Variants in DOCK3 observed in about 807,000 individuals in gnomAD.
The protein encoded by DOCK3 is dedicator of cytokinesis 3.
In DOCK3, 60 loss-of-function variants were observed where a neutral mutation model predicts 265.6. The ratio of observed to expected loss-of-function variants is 0.23; its 90% CI spans 0.18 to 0.28. The LOEUF is 0.28. Among genes scored for constraint, DOCK3 ranks in the 10% least tolerant of loss-of-function variants. DOCK3 has a pLI of 1.00. For missense variants in DOCK3, 1,981 were observed against 2,594.3 expected (o/e 0.76, Z 5.14); for synonymous variants, 881 against 938.0 (o/e 0.94, Z 1.11).
Position 51,357,799 on chromosome 3 carries a change from T to C in DOCK3, c.4725T>C (p.Asp1575=). The change falls in exon 45 of 53, where the codon GAT becomes GAC. Residue 1575 remains aspartate, a synonymous_variant. Coordinates refer to ENST00000266037, the MANE Select transcript of DOCK3 (RefSeq NM_004947.5). The part of the protein sequence containing the change: ...DKDYINKHPG[D]AEKITQLKEL... ...ATTACATCAACAAGCACCCAGGAGA[T>C]GCTGAGAAGATCACCCAGCTCAAGG... 1 of 1,613,958 alleles carries C rather than the reference T, an allele frequency of 6.2e-7. No individual in the cohort carries two copies. The highest frequency in any genetic ancestry group is 8.5e-7 in the Non-Finnish European group (1 of 1,179,882).
rs763090403 is a variant in DOCK3 at position 51,312,571 on chromosome 3, A to G, written c.3189A>G (p.Leu1063=). The G allele has an allele frequency of 8.2e-6, 13 of 1,581,534 alleles. No individual in the cohort carries two copies. Among genetic ancestry groups the G allele is most frequent in the South Asian group, 1.2e-5 (1 of 85,372 alleles). The change falls in exon 30 of 53, where the codon CTA becomes CTG. Residue 1063 remains leucine (L), a synonymous_variant. Coordinates refer to ENST00000266037, the MANE Select transcript of DOCK3 (RefSeq NM_004947.5). ...CCTCAGCCAAAAGGAAGAAGATTCT[A>G]GATAAGTAAGATAAACGTCTTATAT... is the stretch of plus-strand genomic sequence containing the variant. ...IITSAKRKKI[L]DKYGDMRVMM...
intron 27 of DOCK3, among the ~76,000 whole-genome samples, chr3:51,305,515 C>T (rs762454842): frequency 6.6e-5 from 10 of 152,032 alleles, no homozygotes; most frequent in East Asian, 3.9e-4. Context: ...TTCCCAACTC[C>T]GTCTTTTAGT....
chr3:51,074,503 G>A (rs2081987123), intron 6 of DOCK3, among the ~76,000 whole-genome samples: 1 of 152,106 alleles, frequency 6.6e-6, no homozygotes, highest in Non-Finnish European at 1.5e-5. Context: ...AGTAATACTT[G>A]TTGGTTAAAC....
Position 50,675,189 on chromosome 3 carries a change from A to G in DOCK3, c.-75A>G. ...TCCCCGCCTCGACTCGCGGTGCGCCACAGCCGGGCCCGCGGCCGTCCCCGC... is the reference window on the plus strand; with the variant it reads ...TCCCCGCCTCGACTCGCGGTGCGCCGCAGCCGGGCCCGCGGCCGTCCCCGC... On this transcript the variant is annotated 5_prime_UTR_variant, in exon 1 of 53. Transcript: ENST00000266037. This position sits in a 1 kb window ranked among gnomAD's most constrained non-coding sequence, Gnocchi z 6.1. 9.8e-7 allele frequency: 1 copy of G among 1,018,754 alleles called. No individual in the cohort carries two copies. Among genetic ancestry groups the G allele is most frequent in the Non-Finnish European group, 1.2e-6 (1 of 838,470 alleles). The allele number at this position is 1,018,754 out of a possible 1,614,324, so 63.1% of individuals were successfully genotyped here. A position where few individuals can be genotyped will look rare whatever the true frequency, so the allele number is the denominator to read the frequency against.
chr3:51,249,423 G>A (rs2079054798), intron 22 of DOCK3, among the ~76,000 whole-genome samples: 2 of 126,086 alleles, frequency 1.6e-5, no homozygotes, highest in Non-Finnish European at 3.4e-5. Context: ...GGGAGGTGAG[G>A]GGCGCCTCTG....
chr3:51,229,165 G>A (rs1298093241), intron 18 of DOCK3, among the ~76,000 whole-genome samples: 2 of 151,998 alleles, frequency 1.3e-5, no homozygotes, highest in Non-Finnish European at 2.9e-5. Context: ...AATAGCCAGG[G>A]TTTGGCCATG....
chr3:51,008,780 G>A (rs1384795437), intron 5 of DOCK3, among the ~76,000 whole-genome samples: 1 of 152,136 alleles, frequency 6.6e-6, no homozygotes, highest in Non-Finnish European at 1.5e-5. Flanking sequence ...TTATTATTTT[G>A]AGATACCTTC....
intron 1 of DOCK3, among the ~76,000 whole-genome samples, chr3:50,739,256 ATTAAG>A (rs1218028250): frequency 1.3e-5 from 2 of 152,158 alleles, no homozygotes; most frequent in East Asian, 3.8e-4. Context: ...ATTGCATTAA[ATTAAG>A]TTTTTTCGTT....
intron 4 of DOCK3, among the ~76,000 whole-genome samples, chr3:50,926,233 T>C (rs1298900216): frequency 6.6e-6 from 1 of 152,188 alleles, no homozygotes; most frequent in Non-Finnish European, 1.5e-5. Context: ...TTCCAATTCA[T>C]GTAACCAATT....
intron 5 of DOCK3, among the ~76,000 whole-genome samples, chr3:51,008,891 T>A (rs1000151283): frequency 6.6e-5 from 10 of 152,192 alleles, no homozygotes; most frequent in African/African-American, 2.2e-4. Flanking sequence ...GGTTTTTGTC[T>A]TTGGTTCTGT....
intron 5 of DOCK3, among the ~76,000 whole-genome samples, chr3:50,990,929 G>A (rs2078080524): frequency 6.6e-6 from 1 of 152,150 alleles, no homozygotes; most frequent in Admixed American, 6.5e-5. Flanking sequence ...CACCCTCACA[G>A]ACACACCTAG....
chr3:51,030,494 C>G (rs1438464197), intron 5 of DOCK3, among the ~76,000 whole-genome samples: 2 of 152,100 alleles, frequency 1.3e-5, no homozygotes, highest in Non-Finnish European at 2.9e-5. Context: ...TGATTAGTAT[C>G]CATTTTTAGG....
chr3:50,774,087 C>T (rs1356260433), intron 1 of DOCK3, among the ~76,000 whole-genome samples: 1 of 151,916 alleles, frequency 6.6e-6, no homozygotes, highest in Non-Finnish European at 1.5e-5. Flanking sequence ...CAGCAGAGAT[C>T]AAATATAAAT....
chr3:51,010,450 T>C (rs888798312), intron 5 of DOCK3, among the ~76,000 whole-genome samples: 2 of 152,210 alleles, frequency 1.3e-5, no homozygotes, highest in Middle Eastern at 3.2e-3. Flanking sequence ...CCCCTACTTT[T>C]TTTTTGCTTT....
At chr3:51,139,879 A>G (rs2084969419) in intron 9 of DOCK3, among the ~76,000 whole-genome samples, 1 of 152,214 alleles carries the variant, frequency 6.6e-6, no homozygotes, top group African/African-American at 2.4e-5. Flanking sequence ...TCCTAAGGCA[A>G]GAATGAGCTT....
intron 2 of DOCK3, among the ~76,000 whole-genome samples, chr3:50,780,308 C>T (rs1025793641): frequency 1.9e-4 from 29 of 152,168 alleles, no homozygotes; most frequent in African/African-American, 6.8e-4. Context: ...AGAATACCTA[C>T]TGTCTTACTC....
chr3:51,202,233 G>T (rs2088835572), intron 12 of DOCK3, among the ~76,000 whole-genome samples: 1 of 146,010 alleles, frequency 6.8e-6, no homozygotes, highest in African/African-American at 2.6e-5. Flanking sequence ...CCAGGAGCTG[G>T]TTTTTTGAAA....
At chr3:51,159,855 T>A (rs1330199627) in intron 11 of DOCK3, among the ~76,000 whole-genome samples, 1 of 152,252 alleles carries the variant, frequency 6.6e-6, no homozygotes, top group Non-Finnish European at 1.5e-5. Context: ...AAGTTTATGA[T>A]ACAACTTTTG....
chr3:50,887,978 C>T (rs543248091), intron 3 of DOCK3, among the ~76,000 whole-genome samples: 1 of 152,278 alleles, frequency 6.6e-6, no homozygotes, highest in South Asian at 2.1e-4. Flanking sequence ...CTCACCACTC[C>T]TGTTCAACAT....
Sources: gnomAD v4.1 joint callset for allele counts (sites outside exome capture counted in the v4.1 genomes callset) on GRCh38, gnomAD v4.1.1 for gene constraint, Gnocchi (gnomAD v3.1) non-coding constraint, MANE v1.5 for transcripts, NCBI Gene and HGNC (gene_info 2026-07-23, HGNC 2026-07-21) for gene names.